Variants in RAB19 observed in about 807,000 individuals in gnomAD.
RAB19 encodes ras-related protein Rab-19.
In RAB19, 21 loss-of-function variants were observed where a neutral mutation model predicts 17.3. The ratio of observed to expected loss-of-function variants is 1.21; its 90% confidence interval spans 0.86 to 1.74. The LOEUF is 1.74. RAB19 is among the 40% of genes most tolerant of loss of function. The pLI, the probability that RAB19 is intolerant of heterozygous loss-of-function variation, is 0.00. For missense variants in RAB19, 277 were observed against 286.8 expected (o/e 0.97, Z 0.25); for synonymous variants, 126 against 110.4 (o/e 1.14, Z -0.88).
chr7:140,411,061 G>A (rs1799350734), intron 2 of RAB19: 1 of 1,367,782 alleles, frequency 7.3e-7, no homozygotes. Context: ...ACCAAGTGAT[G>A]AGTCAGGAGA....
At position 140,426,030 on chromosome 7, in the gene RAB19, G is replaced by A; in HGVS notation, c.534G>A (p.Glu178=). The A allele has an allele frequency of 6.2e-7, 1 of 1,614,166 alleles. No homozygotes were observed. Among genetic ancestry groups the A allele is most frequent in the Non-Finnish European group, 8.5e-7 (1 of 1,180,040 alleles). ...IEEVFVLMAK[E]LIARNSLHLY... ...AAGTCTTCGTGCTCATGGCCAAGGAGCTGATCGCGCGCAACAGCCTGCACC... is the reference window on the plus strand; with the variant it reads ...AAGTCTTCGTGCTCATGGCCAAGGAACTGATCGCGCGCAACAGCCTGCACC... Residue 178 remains glutamate, a synonymous_variant, in exon 4 of 4, where the codon GAG becomes GAA. Coordinates refer to ENST00000537763, the MANE Select transcript of RAB19 (RefSeq NM_001008749.3).
Position 140,427,654 on chromosome 7 carries a change from G to A in RAB19, c.*1504G>A, listed in dbSNP as rs926941197. ...TTTAGTAGAGGCAGGGTTTCACCAC[G>A]TTGGCCAGGCTGGTCTCGAACTCCT... On this transcript the variant is annotated 3_prime_UTR_variant, in exon 4 of 4. Coordinates refer to ENST00000537763, the MANE Select transcript of RAB19 (RefSeq NM_001008749.3). Among the ~76,000 whole-genome samples, 1 of 151,640 alleles carries A rather than the reference G, an allele frequency of 6.6e-6. No homozygotes were observed. Among genetic ancestry groups the A allele is most frequent in the Non-Finnish European group, 1.5e-5 (1 of 67,968 alleles).
intron 3 of RAB19, among the ~76,000 whole-genome samples, chr7:140,421,277 G>A (rs1314178098): frequency 5.3e-5 from 8 of 151,950 alleles, no homozygotes; most frequent in African/African-American, 1.2e-4. Flanking sequence ...CAGCAGCTTC[G>A]AACTCCTGGG....
At chr7:140,413,099 T>A (rs549338746) in intron 3 of RAB19, among the ~76,000 whole-genome samples, 4 of 152,208 alleles carry the variant, frequency 2.6e-5, no homozygotes, top group African/African-American at 7.2e-5. Flanking sequence ...GCACTCCATA[T>A]GGGTATCCAG....
chr7:140,410,313 C>CTTTTTTT lies in RAB19; in HGVS notation c.202-1543_202-1537dup, dbSNP rs762151021. ...ATGCCCAGCTAATTTTTGTATTTTT[C>CTTTTTTT]TTTTTTTTTTTTTTTTTTTTTTTTG... On this transcript the variant is annotated intron_variant, in intron 2 of 3. Transcript: ENST00000537763. Among the ~76,000 whole-genome samples, 87 of 81,028 alleles carry CTTTTTTT rather than the reference C, an allele frequency of 1.1e-3. 4 individuals are homozygous for CTTTTTTT. The highest frequency in any genetic ancestry group is 1.3e-3 in the African/African-American group (26 of 19,768). 53.2% of individuals were successfully genotyped at this position (81,028 alleles called of 152,430 possible). A position where few individuals can be genotyped will look rare whatever the true frequency, so the allele number is the denominator to read the frequency against.
At chr7:140,418,668 GAAC>G (rs895699846) in intron 3 of RAB19, among the ~76,000 whole-genome samples, 3 of 151,614 alleles carry the variant, frequency 2.0e-5, no homozygotes, top group African/African-American at 7.3e-5. Flanking sequence ...GGACCAGCCT[GAAC>G]AACATAGGGA....
At chr7:140,423,836 T>C (rs1471952011) in intron 3 of RAB19, among the ~76,000 whole-genome samples, 1 of 152,150 alleles carries the variant, frequency 6.6e-6, no homozygotes, top group East Asian at 1.9e-4. Context: ...CATTTATTCA[T>C]TTCATGACAA....
intron 3 of RAB19, among the ~76,000 whole-genome samples, chr7:140,415,666 T>C (rs1215618625): frequency 6.6e-6 from 1 of 152,198 alleles, no homozygotes; most frequent in Admixed American, 6.5e-5. Flanking sequence ...GAATAAAATC[T>C]TCAATGCTGG....
intron 2 of RAB19, 77 bp downstream of exon 2, chr7:140,407,924 G>C (rs551922335): frequency 4.7e-5 from 51 of 1,084,396 alleles, no homozygotes; most frequent in Admixed American, 3.8e-4. Context: ...ACGGAGTCTC[G>C]CGCGATCTCG....
intron 3 of RAB19, among the ~76,000 whole-genome samples, chr7:140,415,954 C>T (rs1799449548): frequency 6.6e-6 from 1 of 151,882 alleles, no homozygotes; most frequent in Admixed American, 6.6e-5. Flanking sequence ...GTCAGTAATC[C>T]CAGTAGTTTG....
chr7:140,411,957 C>A lies in RAB19; in HGVS notation c.285C>A (p.Ile95=), dbSNP rs143557435. Reference sequence around the variant, plus strand: ...ACCGCAGTGCCCACGCAGCCATCATCGCCTATGACCTCACCCGGCGGTCCA... The same window carrying A: ...ACCGCAGTGCCCACGCAGCCATCATAGCCTATGACCTCACCCGGCGGTCCA... ...SYYRSAHAAI[I]AYDLTRRSTF... Residue 95 remains isoleucine, a synonymous_variant, in exon 3 of 4, where the codon ATC becomes ATA. Coordinates refer to ENST00000537763, the MANE Select transcript of RAB19 (RefSeq NM_001008749.3). 9 of 1,614,078 alleles carry A rather than the reference C, an allele frequency of 5.6e-6. No homozygotes were observed. The African/African-American group carries it at 1.1e-4, about 19-fold the overall frequency.
chr7:140,425,934 C>T lies in RAB19; in HGVS notation c.438C>T (p.Cys146=). The change falls in exon 4 of 4, where the codon TGC becomes TGT. Residue 146 remains cysteine, a synonymous_variant. Transcript: ENST00000537763. ...GGCACGTCCTGTTCGAGGATGCCTGCACACTGGCTGAGAAGTACGGCCTCC... is the reference window on the plus strand; with the variant it reads ...GGCACGTCCTGTTCGAGGATGCCTGTACACTGGCTGAGAAGTACGGCCTCC... ...EKRHVLFEDA[C]TLAEKYGLLA... is the part of the protein sequence containing the mutation. 4 of 1,614,196 alleles carry T rather than the reference C, an allele frequency of 2.5e-6. No individual in the cohort carries two copies. The highest frequency in any genetic ancestry group is 1.1e-5 in the South Asian group (1 of 91,080).
chr7:140,412,139 G>A (rs1313750955), intron 3 of RAB19, 82 bp downstream of exon 3: 29 of 1,380,522 alleles, frequency 2.1e-5, no homozygotes, highest in Non-Finnish European at 5.0e-6. Flanking sequence ...AATGACAGTG[G>A]AAAATGAAAT....
intron 3 of RAB19, 142 bp from the exon 4 acceptor site, chr7:140,425,740 C>CA (rs1799653894): frequency 1.2e-6 from 1 of 844,092 alleles, no homozygotes; most frequent in South Asian, 1.9e-5. Flanking sequence ...AAAAAAGAAA[C>CA]AAAAAAATGT....
chr7:140,425,743 A>G, intron 3 of RAB19, 139 bp from the exon 4 acceptor site: 1 of 929,628 alleles, frequency 1.1e-6, no homozygotes, highest in East Asian at 2.5e-5. Flanking sequence ...AAAGAAACAA[A>G]AAAATGTGCC....
At chr7:140,420,742 A>C (rs1211943204) in intron 3 of RAB19, among the ~76,000 whole-genome samples, 2 of 152,080 alleles carry the variant, frequency 1.3e-5, no homozygotes, top group Non-Finnish European at 2.9e-5. Flanking sequence ...TGTGACCTGC[A>C]TTCTGGGCAC....
chr7:140,417,819 C>T (rs1011379377), intron 3 of RAB19, among the ~76,000 whole-genome samples: 2 of 152,184 alleles, frequency 1.3e-5, no homozygotes, highest in African/African-American at 2.4e-5. Context: ...GCTCTGTGTG[C>T]CTCACCTTTT....
rs1799656608 is a variant in RAB19 at position 140,425,880 on chromosome 7, A to C, written c.386-2A>C. 6.3e-7 allele frequency: 1 copy of C among 1,599,738 alleles called. No individual in the cohort carries two copies. The highest frequency in any genetic ancestry group is 8.5e-7 in the Non-Finnish European group (1 of 1,171,720). ...GAATATCGGCTTATCTTTTCCTTCC[A>C]GGAAATAAATGTGACCTCTGGGAAA... On this transcript the variant is annotated splice_acceptor_variant, in intron 3 of 3. Transcript: ENST00000537763. LOFTEE classifies it high-confidence loss of function.
Position 140,419,130 on chromosome 7 carries a change from C to T in RAB19, c.386-6752C>T, listed in dbSNP as rs541287976. On this transcript the variant is annotated intron_variant, in intron 3 of 3. Coordinates refer to ENST00000537763, the MANE Select transcript of RAB19 (RefSeq NM_001008749.3). ...TGTTGCCCAGGCTGGAGTGCAGTGG[C>T]GTGATCTCAGCTCACTGCAAACTCC... Among the ~76,000 whole-genome samples, 17 of 145,750 alleles carry T rather than the reference C, an allele frequency of 1.2e-4. No individual in the cohort carries two copies. The South Asian group carries it at 1.3e-3, about 11-fold the overall frequency.
Sources: gnomAD v4.1 joint callset for allele counts (sites outside exome capture counted in the v4.1 genomes callset) on GRCh38, gnomAD v4.1.1 for gene constraint, MANE v1.5 for transcripts, NCBI Gene and HGNC (gene_info 2026-07-23, HGNC 2026-07-21) for gene names.